The following PRR16 variants were observed in gnomAD, a reference collection of about 807,000 sequenced individuals.
PRR16 encodes the protein proline rich 16.
Under a neutral mutation model 18.2 loss-of-function variants are expected in PRR16, and 6 were observed. The ratio of observed to expected loss-of-function variants is 0.33; its 90% CI spans 0.18 to 0.65. PRR16 has a LOEUF of 0.65. Ranked by LOEUF, PRR16 falls within the 30% of genes least tolerant of loss-of-function variation. The pLI, the probability that PRR16 is intolerant of heterozygous loss-of-function variation, is 0.74. For synonymous variants in PRR16, 151 were observed against 147.8 expected, an observed-to-expected ratio of 1.02 and a Z score of -0.16; for missense variants, 412 against 376.6, an observed-to-expected ratio of 1.09 and a Z score of -0.78.
intron 1 of PRR16, among the ~76,000 whole-genome samples, chr5:120,647,436 C>T (rs937982034): frequency 9.9e-5 from 15 of 151,736 alleles, no homozygotes; most frequent in African/African-American, 2.4e-4. Context: ...TGTAACTGGG[C>T]GACAAATATC....
At chr5:120,562,072 G>A (rs1752592358) in intron 1 of PRR16, among the ~76,000 whole-genome samples, 1 of 152,022 alleles carries the variant, frequency 6.6e-6, no homozygotes, top group South Asian at 2.1e-4. Context: ...TCCTGAATAT[G>A]GGATATTGAA....
chr5:120,490,672 C>G (rs1396007478), intron 1 of PRR16, among the ~76,000 whole-genome samples: 2 of 152,242 alleles, frequency 1.3e-5, no homozygotes, highest in African/African-American at 4.8e-5. Context: ...ATTCTCTGTG[C>G]AGCTTTGTTC....
At chr5:120,581,098 A>G (rs1050576390) in intron 1 of PRR16, among the ~76,000 whole-genome samples, 2 of 152,162 alleles carry the variant, frequency 1.3e-5, no homozygotes, top group African/African-American at 2.4e-5. Context: ...AAAGAATGGT[A>G]CCAGCTCCTC....
At chr5:120,721,771 A>C in the PRR16 span, among the ~76,000 whole-genome samples, 1 of 152,264 alleles carries the variant, frequency 6.6e-6, no homozygotes, top group Middle Eastern at 3.4e-3. Flanking sequence ...GAAGAGTTCA[A>C]GATGGAACAG....
downstream of PRR16, among the ~76,000 whole-genome samples, chr5:120,692,327 C>T (rs553460984): frequency 1.6e-4 from 25 of 152,290 alleles, no homozygotes; most frequent in African/African-American, 5.8e-4. Context: ...AGAGTTCACC[C>T]TGAGCCTGGG....
chr5:120,782,488 G>T, the PRR16 span, among the ~76,000 whole-genome samples: 2 of 152,060 alleles, frequency 1.3e-5, no homozygotes, highest in African/African-American at 4.8e-5. Context: ...GCTTCCCCTC[G>T]GGGTTGGTTC....
chr5:120,574,509 C>A (rs945732306), intron 1 of PRR16, among the ~76,000 whole-genome samples: 3 of 151,964 alleles, frequency 2.0e-5, no homozygotes, highest in Non-Finnish European at 4.4e-5. Flanking sequence ...GAGCCTGAGG[C>A]ATGATAATCA....
At chr5:120,727,548 G>A in the PRR16 span, among the ~76,000 whole-genome samples, 238 of 152,182 alleles carry the variant, frequency 1.6e-3, 1 homozygote, top group African/African-American at 5.4e-3. Flanking sequence ...TAGAAAGCCA[G>A]GAGAATATTG....
At chr5:120,627,577 A>G (rs1754908363) in intron 1 of PRR16, among the ~76,000 whole-genome samples, 1 of 152,058 alleles carries the variant, frequency 6.6e-6, no homozygotes, top group Non-Finnish European at 1.5e-5. Context: ...TCTGAAAATA[A>G]TGTTCCTGAA....
chr5:120,490,480 C>T (rs879047131), intron 1 of PRR16, among the ~76,000 whole-genome samples: 7 of 152,144 alleles, frequency 4.6e-5, no homozygotes, highest in East Asian at 1.9e-4. Flanking sequence ...ACGTGGTTCT[C>T]GTGCCGTGGT....
At chr5:120,719,874 C>G in the PRR16 span, among the ~76,000 whole-genome samples, 2 of 151,828 alleles carry the variant, frequency 1.3e-5, no homozygotes, top group African/African-American at 2.4e-5. Flanking sequence ...TGTGTTATAT[C>G]TAATTGATTT....
chr5:120,556,233 G>GTTTTTTTTTTTTTTTTTT (rs34053155), intron 1 of PRR16, among the ~76,000 whole-genome samples: 1 of 121,760 alleles, frequency 8.2e-6, no homozygotes, highest in Non-Finnish European at 1.7e-5. Flanking sequence ...CAATTTCATT[G>GTTTTTTTTTTTTTTTTTT]TTTTTTTTTT....
At chr5:120,547,889 A>G (rs1419612951) in intron 1 of PRR16, among the ~76,000 whole-genome samples, 1 of 152,104 alleles carries the variant, frequency 6.6e-6, no homozygotes, top group African/African-American at 2.4e-5. Flanking sequence ...TACAGGCAGT[A>G]GATGAGACAT....
At chr5:120,669,674 T>A (rs1052756012) in intron 1 of PRR16, among the ~76,000 whole-genome samples, 5 of 152,096 alleles carry the variant, frequency 3.3e-5, no homozygotes, top group African/African-American at 7.2e-5. Context: ...AGGTGTTTTT[T>A]AAATAATGAT....
chr5:120,687,558 A>G (rs1384467094), downstream of PRR16, among the ~76,000 whole-genome samples: 2 of 152,180 alleles, frequency 1.3e-5, no homozygotes, highest in African/African-American at 2.4e-5. Context: ...CCTCATACTC[A>G]GCATTCTTCC....
intron 1 of PRR16, among the ~76,000 whole-genome samples, chr5:120,653,830 C>G (rs1458466330): frequency 3.3e-5 from 5 of 151,990 alleles, no homozygotes; most frequent in African/African-American, 1.2e-4. Context: ...CTGCACACAT[C>G]AAAATGACCT....
the PRR16 span, among the ~76,000 whole-genome samples, chr5:120,728,136 C>T: frequency 6.6e-6 from 1 of 151,736 alleles, no homozygotes; most frequent in Admixed American, 6.6e-5. Context: ...TTGTAAGTAT[C>T]TGTGGAAGCT....
At chr5:120,564,141 C>T (rs1430001032) in intron 1 of PRR16, among the ~76,000 whole-genome samples, 2 of 152,138 alleles carry the variant, frequency 1.3e-5, no homozygotes, top group Non-Finnish European at 2.9e-5. Flanking sequence ...ACAAAGTCCT[C>T]TTTACTCTTT....
chr5:120,717,520 G>A, the PRR16 span, among the ~76,000 whole-genome samples: 4 of 13,970 alleles, frequency 2.9e-4, no homozygotes, highest in East Asian at 7.5e-3. Context: ...TCTTACACCC[G>A]TGTATCTTCA....
Sources: gnomAD v4.1 joint callset for allele counts (sites outside exome capture counted in the v4.1 genomes callset) on GRCh38, gnomAD v4.1.1 for gene constraint, MANE v1.5 for transcripts, NCBI Gene and HGNC (gene_info 2026-07-23, HGNC 2026-07-21) for gene names.